SPIDR: variants seen among roughly 807,000 people sequenced by gnomAD.
SPIDR encodes DNA repair-scaffolding protein.
A neutral mutation model predicts 104.6 loss-of-function variants in SPIDR; 93 were observed. The observed-to-expected ratio is 0.89, with a 90% CI of 0.75 to 1.06. The LOEUF is 1.06. Among genes scored for constraint, SPIDR ranks in the 50% least tolerant of loss-of-function variants. The probability of loss-of-function intolerance (pLI) is 0.00; values close to 1 mark genes in which losing one functional copy is unlikely to be tolerated. For missense variants in SPIDR, 1,154 were observed against 1,111.2 expected (o/e 1.04, Z -0.55); for synonymous variants, 431 against 416.9 (o/e 1.03, Z -0.41).
At chr8:47,556,819 G>C (rs2091381254) in intron 8 of SPIDR, among the ~76,000 whole-genome samples, 2 of 152,072 alleles carry the variant, frequency 1.3e-5, no homozygotes, top group Non-Finnish European at 2.9e-5. Flanking sequence ...GTCTAGGCTG[G>C]TCTTGAACTC....
At chr8:47,559,525 T>C (rs944685029) in intron 8 of SPIDR, among the ~76,000 whole-genome samples, 23 of 152,230 alleles carry the variant, frequency 1.5e-4, no homozygotes, top group African/African-American at 5.5e-4. Flanking sequence ...TGTCTGCAAG[T>C]TCCATGGCAG....
chr8:47,673,339 G>A, intron 10 of SPIDR: 1 of 451,512 alleles, frequency 2.2e-6, no homozygotes, highest in South Asian at 1.6e-5. Flanking sequence ...GCCTCTTATT[G>A]TTGTTCTTAT....
intron 3 of SPIDR, among the ~76,000 whole-genome samples, chr8:47,286,303 A>G (rs1651521585): frequency 6.6e-6 from 1 of 152,224 alleles, no homozygotes; most frequent in South Asian, 2.1e-4. Context: ...CTGGCTGAAA[A>G]AAGGCATTAC....
intron 11 of SPIDR, among the ~76,000 whole-genome samples, chr8:47,699,888 T>C (rs1484800977): frequency 1.3e-5 from 2 of 152,224 alleles, no homozygotes; most frequent in Middle Eastern, 3.2e-3. Context: ...AATACATATC[T>C]GTTTGGGGAA....
chr8:47,630,416 G>A (rs1048739316), intron 10 of SPIDR, among the ~76,000 whole-genome samples: 5 of 152,166 alleles, frequency 3.3e-5, no homozygotes, highest in African/African-American at 1.2e-4. Flanking sequence ...GTGACCTGGG[G>A]CAACTTACTT....
chr8:47,392,985 T>C (rs1438532581), intron 5 of SPIDR, among the ~76,000 whole-genome samples: 1 of 152,198 alleles, frequency 6.6e-6, no homozygotes, highest in Non-Finnish European at 1.5e-5. Flanking sequence ...ATTTCCAAGG[T>C]TCCAATTTGG....
intron 11 of SPIDR, among the ~76,000 whole-genome samples, chr8:47,691,587 T>C (rs2078662344): frequency 6.6e-6 from 1 of 152,220 alleles, no homozygotes. Flanking sequence ...GGTTTAAGTA[T>C]GAAATTCACA....
chr8:47,490,437 G>A (rs898798143), intron 8 of SPIDR, among the ~76,000 whole-genome samples: 3 of 152,174 alleles, frequency 2.0e-5, no homozygotes, highest in Non-Finnish European at 4.4e-5. Flanking sequence ...AGACAGTGTG[G>A]CGATTCCTCA....
chr8:47,405,316 G>A (rs1180168007), intron 6 of SPIDR, among the ~76,000 whole-genome samples: 2 of 151,568 alleles, frequency 1.3e-5, no homozygotes, highest in African/African-American at 2.4e-5. Flanking sequence ...GTGTGTGTGT[G>A]TGTGTGTATA....
chr8:47,731,140 C>T (rs1029852847), intron 19 of SPIDR, among the ~76,000 whole-genome samples: 8 of 151,994 alleles, frequency 5.3e-5, no homozygotes, highest in African/African-American at 1.7e-4. Context: ...TCTGTAACCC[C>T]AGCTACTCGG....
At chr8:47,729,361 C>A in intron 18 of SPIDR, 51 bp from the exon 19 acceptor site, 2 of 1,554,026 alleles carry the variant, frequency 1.3e-6, no homozygotes, top group Non-Finnish European at 1.7e-6. Flanking sequence ...TTAACTTGAG[C>A]ACTTACTGTG....
At chr8:47,307,726 A>G (rs1190972563) in intron 5 of SPIDR, among the ~76,000 whole-genome samples, 3 of 150,662 alleles carry the variant, frequency 2.0e-5, no homozygotes, top group African/African-American at 7.3e-5. Context: ...TTTAGTAGAG[A>G]TGGGGTTTTG....
rs376850293 is a variant in SPIDR, at chr8:47,476,809, G to A, written c.1097+36267G>A. 2.6e-5 allele frequency among the ~76,000 whole-genome samples: 4 copies of A among 152,334 alleles called. No individual in the cohort carries two copies. The East Asian group carries it at 5.8e-4, about 22-fold the overall frequency. On this transcript the variant is annotated intron_variant, in intron 8 of 19. Transcript: ENST00000297423. The stretch of plus-strand genomic sequence containing the variant: ...GAAGCAGCAGGCTGCGTTAAAGTAG[G>A]AGACTCGGTCAACACCAAGGCTCAG...
At chr8:47,511,333 A>G (rs962091879) in intron 8 of SPIDR, 21 of 1,197,658 alleles carry the variant, frequency 1.8e-5, no homozygotes, top group South Asian at 1.6e-4. Context: ...GACTGGAGAG[A>G]TGGTACTCAA....
chr8:47,355,271 T>TAAAAAA (rs34902790), intron 5 of SPIDR, among the ~76,000 whole-genome samples: 10 of 116,568 alleles, frequency 8.6e-5, no homozygotes, highest in African/African-American at 3.3e-4. Context: ...AGGTTTTTTG[T>TAAAAAA]AAAAAAAAAA....
intron 5 of SPIDR, among the ~76,000 whole-genome samples, chr8:47,320,963 T>G (rs1349970437): frequency 6.6e-6 from 1 of 152,154 alleles, no homozygotes; most frequent in Non-Finnish European, 1.5e-5. Context: ...TAGTAAGAGA[T>G]ATCTATGACA....
chr8:47,422,202 C>G (rs971240656), intron 7 of SPIDR, among the ~76,000 whole-genome samples: 16 of 152,216 alleles, frequency 1.1e-4, no homozygotes, highest in African/African-American at 3.9e-4. Flanking sequence ...GTCCTGCCCC[C>G]AGAGGTGGAG....
chr8:47,446,528 A>AG (rs1181316597), intron 8 of SPIDR, among the ~76,000 whole-genome samples: 7 of 152,080 alleles, frequency 4.6e-5, no homozygotes, highest in Non-Finnish European at 1.0e-4. Context: ...CTGTGGATCA[A>AG]GGGGTAATTT....
intron 8 of SPIDR, among the ~76,000 whole-genome samples, chr8:47,443,503 G>A (rs534675614): frequency 2.0e-5 from 3 of 150,788 alleles, no homozygotes; most frequent in Non-Finnish European, 4.4e-5. Context: ...CCCAGGAGGT[G>A]GGGGTTGCAG....
Sources: allele counts gnomAD v4.1 joint callset (sites outside exome capture counted in the v4.1 genomes callset), GRCh38; gene constraint gnomAD v4.1.1; transcripts MANE v1.5; gene names NCBI Gene and HGNC (gene_info 2026-07-23, HGNC 2026-07-21).